The following CSF2RA variants were observed in gnomAD, a reference collection of about 807,000 sequenced individuals.
The protein encoded by CSF2RA is granulocyte-macrophage colony-stimulating factor receptor subunit alpha.
Under a neutral mutation model 51.6 loss-of-function variants are expected in CSF2RA, and 42 were observed. The ratio of observed to expected loss-of-function variants is 0.81; its 90% CI spans 0.64 to 1.05. The LOEUF (loss-of-function observed/expected upper bound fraction) is 1.05. Among genes scored for constraint, CSF2RA ranks in the 50% least tolerant of loss-of-function variants. CSF2RA has a pLI of 0.00. For synonymous variants in CSF2RA, 222 were observed against 193.0 expected (o/e 1.15, Z -1.24); for missense variants, 530 against 501.1 (o/e 1.06, Z -0.55).
the CSF2RA span, among the ~76,000 whole-genome samples, chrX:1,324,185 TAAAAACAAAAAC>T: frequency 4.0e-5 from 6 of 149,770 alleles, no homozygotes; most frequent in South Asian, 1.3e-3. Context: ...ACTCTGCCTT[TAAAAACAAAAAC>T]AAAAACAAAA....
intron 2 of CSF2RA, among the ~76,000 whole-genome samples, chrX:1,280,913 C>CCTCCTCCTCCTCCTT (rs1569494328): frequency 7.3e-5 from 9 of 123,704 alleles, no homozygotes; most frequent in South Asian, 2.9e-4. Flanking sequence ...TGCTCCTTCT[C>CCTCCTCCTCCTCCTT]CTCCTCCTCC....
At chrX:1,316,827 G>A in the CSF2RA span, among the ~76,000 whole-genome samples, 2 of 152,354 alleles carry the variant, frequency 1.3e-5, no homozygotes, top group East Asian at 3.9e-4. Context: ...AGCAGCCGAC[G>A]CCCCAGACAC....
chrX:1,323,815 C>A, the CSF2RA span, among the ~76,000 whole-genome samples: 1 of 151,426 alleles, frequency 6.6e-6, no homozygotes, highest in South Asian at 2.1e-4. Flanking sequence ...GAGATCGAAA[C>A]CATCCTGGCT....
chrX:1,302,865 ATATTT>A lies in CSF2RA; in HGVS notation c.947-1056_947-1052del, dbSNP rs1219995042. 8.8e-6 allele frequency: 2 copies of A among 227,692 alleles called. 1 individual carries two copies. Among genetic ancestry groups the A allele is most frequent in the African/African-American group, 6.1e-5 (2 of 32,828 alleles). 14.1% of individuals were successfully genotyped at this position (227,692 alleles called of 1,614,324 possible). ...TGCATCATGCTTGGCCATTTTTTAA[ATATTT>A]TTATTTATTTATTTATTTTGAGACA... On this transcript the variant is annotated intron_variant, in intron 10 of 12. Transcript: ENST00000381529.
At chrX:1,307,807 C>G (rs2083802771) in intron 12 of CSF2RA, among the ~76,000 whole-genome samples, 1 of 137,312 alleles carries the variant, frequency 7.3e-6, no homozygotes, top group South Asian at 2.5e-4. Flanking sequence ...AGACCTTTGA[C>G]TGATTAGATG....
chrX:1,311,899 G>C (rs1275021115), downstream of CSF2RA, among the ~76,000 whole-genome samples: 1 of 152,076 alleles, frequency 6.6e-6, no homozygotes, highest in Non-Finnish European at 1.5e-5. Flanking sequence ...CAGGCCTGCT[G>C]TTGACTCCTC....
chrX:1,311,105 TG>T (rs1569514179), downstream of CSF2RA, among the ~76,000 whole-genome samples: 1 of 151,304 alleles, frequency 6.6e-6, no homozygotes, highest in Non-Finnish European at 1.5e-5. Context: ...AAAAGTTAGC[TG>T]GGTGTGGTGG....
chrX:1,284,230 A>AG (rs1474855035), intron 3 of CSF2RA, among the ~76,000 whole-genome samples: 1 of 101,602 alleles, frequency 9.8e-6, no homozygotes, highest in Non-Finnish European at 1.8e-5. Flanking sequence ...TTGAGACAGG[A>AG]TCTCGCTCTG....
the CSF2RA span, among the ~76,000 whole-genome samples, chrX:1,317,039 C>A: frequency 6.6e-6 from 1 of 151,948 alleles, no homozygotes; most frequent in African/African-American, 2.4e-5. Flanking sequence ...CTCCGCTTCC[C>A]GGGTTCACGC....
chrX:1,294,437 G>A lies in CSF2RA; in HGVS notation c.756G>A (p.Gln252=). ...TYQKLSYLDF[Q]YQLDVHRKNT... ...AGAAGCTGTCGTACCTGGACTTTCA[G>A]TACCAGCTGGACGTCCACAGAAAGG... is the stretch of plus-strand genomic sequence containing the variant. The change falls in exon 8 of 13, where the codon CAG becomes CAA. Residue 252 remains glutamine (Q), a synonymous_variant. Coordinates refer to ENST00000381529, the MANE Select transcript of CSF2RA (RefSeq NM_172245.4). The A allele has an allele frequency of 1.2e-6, 2 of 1,612,086 alleles. No individual in the cohort carries two copies. Among genetic ancestry groups the A allele is most frequent in the Non-Finnish European group, 1.7e-6 (2 of 1,179,862 alleles).
In CSF2RA at chrX:1,285,802, C is replaced by G. The variant is rs139819371; in HGVS notation, c.101C>G (p.Ser34Cys). 1.6e-5 allele frequency: 25 copies of G among 1,612,014 alleles called. No homozygotes were observed. Among genetic ancestry groups the G allele is most frequent in the African/African-American group, 9.4e-5 (7 of 74,686 alleles). Residue 34 changes from serine (S) to cysteine (C), a missense_variant, in exon 4 of 13, where the codon TCT becomes TGT. By Grantham distance (112) the Ser-to-Cys change is moderately radical. Transcript: ENST00000381529. Reference sequence around the variant, plus strand: ...GATCTGCGAACAGTGGCACCAGCCTCTAGTCTCAATGTGAGGTTTGACTCC... The same window carrying G: ...GATCTGCGAACAGTGGCACCAGCCTGTAGTCTCAATGTGAGGTTTGACTCC... ...KSDLRTVAPA[S>C]SLNVRFDSRT...
chrX:1,270,240 T>A (rs1314331449), intron 1 of CSF2RA, among the ~76,000 whole-genome samples: 2 of 114,010 alleles, frequency 1.8e-5, no homozygotes, highest in Non-Finnish European at 3.4e-5. Flanking sequence ...ATATTATATA[T>A]TTTTTATTAT....
At chrX:1,284,498 G>T (rs1286468997) in intron 3 of CSF2RA, among the ~76,000 whole-genome samples, 1 of 136,664 alleles carries the variant, frequency 7.3e-6, no homozygotes, top group Non-Finnish European at 1.5e-5. Flanking sequence ...GCGCGATCTC[G>T]GCTCACTGCA....
intron 12 of CSF2RA, among the ~76,000 whole-genome samples, chrX:1,308,158 C>G (rs2083868293): frequency 6.6e-6 from 1 of 152,134 alleles, no homozygotes; most frequent in South Asian, 2.1e-4. Context: ...TGATTGTGGA[C>G]TTGACATCTA....
chrX:1,288,741 G>T lies in CSF2RA; in HGVS notation c.344-18G>T. ...TGAACTTCGGAGTGAAAATTATTTTGTTTCTACCTCTTCCCAGGAAGGGAG... is the reference window on the plus strand; with the variant it reads ...TGAACTTCGGAGTGAAAATTATTTTTTTTCTACCTCTTCCCAGGAAGGGAG... On this transcript the variant is annotated intron_variant, in intron 5 of 12. Coordinates refer to ENST00000381529, the MANE Select transcript of CSF2RA (RefSeq NM_172245.4). 1 of 1,613,838 alleles carries T rather than the reference G, an allele frequency of 6.2e-7. No homozygotes were observed. Among genetic ancestry groups the T allele is most frequent in the Non-Finnish European group, 8.5e-7 (1 of 1,179,842 alleles).
In CSF2RA at chrX:1,300,632, C is replaced by T. The variant is rs747905403; in HGVS notation, c.946+6C>T. ...GAGTGAAGCCATTGAATTTGGTAAG[C>T]GTTGGGCGGAGGTAAGGGATGTTTG... On this transcript the variant is annotated splice_donor_region_variant and intron_variant, in intron 10 of 12. Coordinates refer to ENST00000381529, the MANE Select transcript of CSF2RA (RefSeq NM_172245.4). The T allele has an allele frequency of 1.7e-5, 28 of 1,613,836 alleles. No individual in the cohort carries two copies. In the East Asian group the frequency reaches 2.2e-4, roughly 13 times the overall value.
At chrX:1,298,643 C>T (rs867197046) in intron 9 of CSF2RA, among the ~76,000 whole-genome samples, 20 of 13,246 alleles carry the variant, frequency 1.5e-3, no homozygotes, top group Admixed American at 8.7e-3. Context: ...ACCCATGACC[C>T]CTGGTGGAAC....
At position 1,302,495 on chromosome X, in the gene CSF2RA, T is replaced by G. The variant is rs761888034; in HGVS notation, c.947-1428T>G. ...GGGGTGACTGCACCTGTAAGAAATT[T>G]TTTTTGTTTATTTATTTTTTGTTAT... On this transcript the variant is annotated intron_variant, in intron 10 of 12. Transcript: ENST00000381529. 5.3e-5 allele frequency among the ~76,000 whole-genome samples: 8 copies of G among 152,050 alleles called. No individual in the cohort carries two copies. The East Asian group carries it at 9.7e-4, about 18-fold the overall frequency.
intron 2 of CSF2RA, among the ~76,000 whole-genome samples, chrX:1,280,442 G>T (rs1328254070): frequency 6.9e-6 from 1 of 145,824 alleles, no homozygotes; most frequent in Non-Finnish European, 1.5e-5. Context: ...CTGCACTCCA[G>T]CCTGGGTGAC....
Sources: allele counts gnomAD v4.1 joint callset (sites outside exome capture counted in the v4.1 genomes callset), GRCh38; gene constraint gnomAD v4.1.1; transcripts MANE v1.5; gene names NCBI Gene and HGNC (gene_info 2026-07-23, HGNC 2026-07-21).